Variants in RAB38 observed in about 807,000 individuals in gnomAD.
The protein encoded by RAB38 is ras-related protein Rab-38.
Under a neutral mutation model 18.4 loss-of-function variants are expected in RAB38, and 15 were observed. The observed-to-expected ratio is 0.82, with a 90% CI of 0.55 to 1.26. The LOEUF is 1.26. RAB38 is among the 50% of genes most tolerant of loss of function. The probability of loss-of-function intolerance (pLI) is 0.00; values close to 1 mark genes in which losing one functional copy is unlikely to be tolerated. For missense variants in RAB38, 294 were observed against 267.4 expected, an observed-to-expected ratio of 1.10 and a Z score of -0.69; for synonymous variants, 101 against 104.4, an observed-to-expected ratio of 0.97 and a Z score of 0.20.
chr11:87,917,625 T>A, the RAB38 span, among the ~76,000 whole-genome samples: 1 of 151,520 alleles, frequency 6.6e-6, no homozygotes, highest in African/African-American at 2.4e-5. Flanking sequence ...TCCCTATTGT[T>A]ATCGGCACCA....
At chr11:87,841,011 C>A in the RAB38 span, among the ~76,000 whole-genome samples, 11 of 152,186 alleles carry the variant, frequency 7.2e-5, no homozygotes, top group Non-Finnish European at 1.0e-4. Context: ...TTCCTGGCCC[C>A]TTAGTCACTC....
At chr11:88,075,989 G>GA in the RAB38 span, among the ~76,000 whole-genome samples, 1 of 149,578 alleles carries the variant, frequency 6.7e-6, no homozygotes, top group African/African-American at 2.4e-5. Context: ...TAGAAGGAAT[G>GA]AAATAGTAAA....
At chr11:88,125,820 G>A (rs1209582520) in intron 2 of RAB38, among the ~76,000 whole-genome samples, 1 of 151,972 alleles carries the variant, frequency 6.6e-6, no homozygotes, top group Non-Finnish European at 1.5e-5. Flanking sequence ...TATTGCCTAG[G>A]TTTTCTTCTA....
At chr11:88,101,437 T>A in the RAB38 span, among the ~76,000 whole-genome samples, 1 of 151,950 alleles carries the variant, frequency 6.6e-6, no homozygotes, top group Non-Finnish European at 1.5e-5. Flanking sequence ...TATATTAATA[T>A]AATATGATTT....
At chr11:87,868,745 G>C in the RAB38 span, among the ~76,000 whole-genome samples, 2 of 151,706 alleles carry the variant, frequency 1.3e-5, no homozygotes, top group Admixed American at 1.3e-4. Context: ...GATGCTAGTT[G>C]TTGGGGACAT....
At chr11:88,172,317 T>C (rs1442318454) in intron 1 of RAB38, among the ~76,000 whole-genome samples, 2 of 152,216 alleles carry the variant, frequency 1.3e-5, no homozygotes, top group African/African-American at 2.4e-5. Context: ...CAAGGCCTAC[T>C]TCACAAGACC....
At chr11:88,171,823 A>T (rs532772222) in intron 1 of RAB38, among the ~76,000 whole-genome samples, 2 of 152,188 alleles carry the variant, frequency 1.3e-5, no homozygotes, top group South Asian at 4.1e-4. Context: ...AAAAAAGTGG[A>T]GTCTCAAGTG....
chr11:87,816,275 G>A, the RAB38 span: 1 of 152,304 alleles, frequency 6.6e-6, no homozygotes, highest in Non-Finnish European at 1.5e-5. Context: ...AAGGTTTGTA[G>A]GTTTTTCTTC....
At chr11:87,867,886 A>C in the RAB38 span, among the ~76,000 whole-genome samples, 4 of 151,848 alleles carry the variant, frequency 2.6e-5, no homozygotes, top group East Asian at 7.8e-4. Flanking sequence ...AGTAAACGGC[A>C]GAGATAAGAT....
At chr11:87,821,850 TAA>T in the RAB38 span, among the ~76,000 whole-genome samples, 27 of 130,680 alleles carry the variant, frequency 2.1e-4, no homozygotes, top group Admixed American at 4.5e-4. Context: ...CACTCCGTCT[TAA>T]AAAAAAAAAA....
chr11:87,972,741 G>GA, the RAB38 span, among the ~76,000 whole-genome samples: 2 of 151,892 alleles, frequency 1.3e-5, no homozygotes, highest in Non-Finnish European at 2.9e-5. Context: ...TCTTAAGTCA[G>GA]AAACCAAAAT....
chr11:87,869,202 C>T, the RAB38 span, among the ~76,000 whole-genome samples: 2 of 151,704 alleles, frequency 1.3e-5, no homozygotes, highest in Non-Finnish European at 3.0e-5. Context: ...TCTGCTCTCT[C>T]ATCAACCAAA....
the RAB38 span, among the ~76,000 whole-genome samples, chr11:87,807,740 C>T: frequency 1.3e-5 from 2 of 152,122 alleles, no homozygotes; most frequent in Non-Finnish European, 2.9e-5. Flanking sequence ...AGAGGAATCA[C>T]AAAGGTGTGA....
the RAB38 span, among the ~76,000 whole-genome samples, chr11:87,965,969 A>T: frequency 6.6e-6 from 1 of 152,194 alleles, no homozygotes; most frequent in African/African-American, 2.4e-5. Context: ...TTTAAGGAAA[A>T]GCAAGTGCCC....
chr11:88,030,804 G>T, the RAB38 span, among the ~76,000 whole-genome samples: 1 of 152,150 alleles, frequency 6.6e-6, no homozygotes. Context: ...GAGGTACAAG[G>T]AGGAACTGGT....
chr11:87,891,778 T>TAAAC, the RAB38 span, among the ~76,000 whole-genome samples: 25 of 151,908 alleles, frequency 1.6e-4, no homozygotes, highest in East Asian at 4.1e-3. Flanking sequence ...GAATCAGGAG[T>TAAAC]AAACAGAAAG....
chr11:87,861,987 G>T, the RAB38 span, among the ~76,000 whole-genome samples: 1 of 151,868 alleles, frequency 6.6e-6, no homozygotes, highest in East Asian at 1.9e-4. Context: ...CAGTCAGGAT[G>T]GCTACTACTA....
the RAB38 span, among the ~76,000 whole-genome samples, chr11:87,930,337 G>A: frequency 6.6e-6 from 1 of 152,158 alleles, no homozygotes; most frequent in African/African-American, 2.4e-5. Flanking sequence ...ATTTTTTCAT[G>A]TGTCTTTTGG....
At chr11:88,004,049 A>T in the RAB38 span, among the ~76,000 whole-genome samples, 2 of 141,766 alleles carry the variant, frequency 1.4e-5, no homozygotes, top group Non-Finnish European at 3.1e-5. Context: ...ATATGGGAGA[A>T]GGTATATATA....
Sources: allele counts gnomAD v4.1 joint callset (sites outside exome capture counted in the v4.1 genomes callset), GRCh38; gene constraint gnomAD v4.1.1; transcripts MANE v1.5; gene names NCBI Gene and HGNC (gene_info 2026-07-23, HGNC 2026-07-21).